Variants in DDX25 observed in about 807,000 individuals in gnomAD.
The protein encoded by DDX25 is ATP-dependent RNA helicase DDX25.
Under a neutral mutation model 64.6 loss-of-function variants are expected in DDX25, and 70 were observed. The ratio of observed to expected loss-of-function variants is 1.08; its 90% CI spans 0.89 to 1.32. The LOEUF is 1.32. Among genes scored for constraint, DDX25 ranks in the 40% most tolerant of loss-of-function variants. The pLI, the probability that DDX25 is intolerant of heterozygous loss-of-function variation, is 0.00. For synonymous variants in DDX25, 211 were observed against 213.3 expected (o/e 0.99, Z 0.09); for missense variants, 587 against 604.4 (o/e 0.97, Z 0.30).
chr11:125,922,760 G>A (rs1248128244), intron 11 of DDX25, 60 bp from the exon 12 acceptor site: 1 of 1,457,144 alleles, frequency 6.9e-7, no homozygotes, highest in African/African-American at 1.4e-5. Context: ...AATATGGATG[G>A]AATGAAGTTC....
intron 1 of DDX25, chr11:125,904,853 G>A (rs1364911958): frequency 1.1e-5 from 6 of 566,184 alleles, no homozygotes; most frequent in South Asian, 8.7e-5. Context: ...GCTAGACCCC[G>A]AGTTTTCTAC....
At chr11:125,905,688 GA>G in intron 3 of DDX25, 91 bp downstream of exon 3, 1 of 1,297,444 alleles carries the variant, frequency 7.7e-7, no homozygotes, top group Non-Finnish European at 1.1e-6. Flanking sequence ...ATCTCAATTG[GA>G]AAAGGCCTGT....
intron 11 of DDX25, 40 bp from the exon 12 acceptor site, chr11:125,922,780 C>A: frequency 1.9e-6 from 3 of 1,548,416 alleles, no homozygotes; most frequent in South Asian, 1.2e-5. Context: ...CCATTTAGAC[C>A]CTGACATGAG....
At position 125,926,963 on chromosome 11, in the gene DDX25, G is replaced by A. The variant is rs937348605; in HGVS notation, c.*4082G>A. 6 of 152,320 alleles carry A rather than the reference G, an allele frequency of 3.9e-5. No homozygotes were observed. Among genetic ancestry groups the A allele is most frequent in the African/African-American group, 1.4e-4 (6 of 41,428 alleles). The allele number at this position is 152,320 out of a possible 1,614,324, so 9.4% of individuals were successfully genotyped here. ...CCCCTGCCACCCTCCTGTGCTGCCTGGGTCCCTCAGAAGGATGGGTCTGGA... is the reference window on the plus strand; with the variant it reads ...CCCCTGCCACCCTCCTGTGCTGCCTAGGTCCCTCAGAAGGATGGGTCTGGA... On this transcript the variant is annotated 3_prime_UTR_variant, in exon 12 of 12. Coordinates refer to ENST00000263576, the MANE Select transcript of DDX25 (RefSeq NM_013264.5).
Position 125,911,190 on chromosome 11 carries a change from C to T in DDX25, c.623-121C>T, listed in dbSNP as rs373700511. 1.9e-5 allele frequency: 18 copies of T among 969,136 alleles called. No homozygotes were observed. The African/African-American group carries it at 2.9e-4, about 16-fold the overall frequency. 60.0% of individuals were successfully genotyped at this position (969,136 alleles called of 1,614,324 possible). ...AAACCACAATGACCCTCGGGGTTTC[C>T]ACTTGGAAAATTATTACAAACTGTA... On this transcript the variant is annotated intron_variant, in intron 7 of 11. Transcript: ENST00000263576.
intron 4 of DDX25, among the ~76,000 whole-genome samples, chr11:125,906,418 C>T (rs1009528420): frequency 5.9e-5 from 9 of 151,788 alleles, no homozygotes; most frequent in Admixed American, 2.0e-4. Context: ...CAGGTTCAAG[C>T]GATTCTCCTG....
intron 9 of DDX25, among the ~76,000 whole-genome samples, chr11:125,918,071 G>C (rs141859903): frequency 0.01 from 1,595 of 152,114 alleles, 28 homozygotes; most frequent in African/African-American, 0.036. Context: ...AGTAGAGACG[G>C]GGTTTCACCA....
chr11:125,904,974 A>T (rs1944862646), intron 1 of DDX25, among the ~76,000 whole-genome samples: 1 of 152,132 alleles, frequency 6.6e-6, no homozygotes, highest in Non-Finnish European at 1.5e-5. Flanking sequence ...GCCCAACTCT[A>T]AACTAGAGGC....
At chr11:125,906,294 TCTC>T in intron 4 of DDX25, 85 bp downstream of exon 4, 1 of 1,410,330 alleles carries the variant, frequency 7.1e-7, no homozygotes, top group Non-Finnish European at 9.3e-7. Context: ...ACCATCAGGA[TCTC>T]CTCTTTGTTT....
chr11:125,911,657 T>C (rs968076950), intron 8 of DDX25, among the ~76,000 whole-genome samples, 169 bp downstream of exon 8: 4 of 152,246 alleles, frequency 2.6e-5, no homozygotes, highest in Non-Finnish European at 4.4e-5. Context: ...CTCAGACTGC[T>C]ATAGTTTTCC....
intron 8 of DDX25, 100 bp downstream of exon 8, chr11:125,911,588 C>A: frequency 8.6e-7 from 1 of 1,166,622 alleles, no homozygotes; most frequent in Non-Finnish European, 1.2e-6. Context: ...AACTCCTCAC[C>A]ACCTTCACCT....
At chr11:125,918,997 G>A (rs1945077447) in intron 10 of DDX25, among the ~76,000 whole-genome samples, 1 of 151,934 alleles carries the variant, frequency 6.6e-6, no homozygotes, top group African/African-American at 2.4e-5. Flanking sequence ...GGCAACTACT[G>A]ATCAGATTTC....
rs1226699092 is a variant in DDX25 at position 125,917,219 on chromosome 11, A to G, written c.1006A>G (p.Ile336Val). 3.7e-6 allele frequency: 6 copies of G among 1,608,986 alleles called. No homozygotes were observed. The highest frequency in any genetic ancestry group is 5.1e-6 in the Non-Finnish European group (6 of 1,177,950). The change falls in exon 9 of 12, where the codon ATC becomes GTC. Residue 336 changes from isoleucine (I) to valine (V), a missense_variant. Ile to Val is a conservative substitution (Grantham distance 29, BLOSUM62 3). Transcript: ENST00000263576. The stretch of plus-strand genomic sequence containing the variant: ...AGCTCTGTGCAACATTTATGGCAGC[A>G]TCACCATTGGTCAGGCCATCATCTT... ...YQALCNIYGSITIGQAIIFCQ... is the reference protein window; with the variant it reads ...YQALCNIYGSVTIGQAIIFCQ...
rs2134289010 is a variant in DDX25, at chr11:125,925,377, A to G, written c.*2496A>G. The G allele has an allele frequency of 2.2e-6, 1 of 456,096 alleles. No individual in the cohort carries two copies. Among genetic ancestry groups the G allele is most frequent in the African/African-American group, 2.0e-5 (1 of 50,188 alleles). 28.3% of individuals were successfully genotyped at this position (456,096 alleles called of 1,614,324 possible). On this transcript the variant is annotated 3_prime_UTR_variant, in exon 12 of 12. Transcript: ENST00000263576. The stretch of plus-strand genomic sequence containing the variant: ...TGTCTCACCACCTAGGAGGCAGCAA[A>G]GCCATCCTGTGTCACAGCTGCATTA...
At chr11:125,904,499 G>A (rs1418784696), upstream of DDX25, 13 of 1,478,988 alleles carry the variant, frequency 8.8e-6, no homozygotes, top group Non-Finnish European at 1.1e-5. Flanking sequence ...TGCTGGGGGC[G>A]GGAGCAGCAA....
Position 125,918,655 on chromosome 11 carries a change from G to A in DDX25, c.1066G>A (p.Val356Met), listed in dbSNP as rs202206859. The change falls in exon 10 of 12, where the codon GTG becomes ATG. Residue 356 changes from valine to methionine, a missense_variant. Val to Met is a conservative substitution (Grantham distance 21). Transcript: ENST00000263576. ...QTRRNAKWLTVEMIQDGHQVS... is the reference protein window; with the variant it reads ...QTRRNAKWLTMEMIQDGHQVS... ...TCGTCGAAACGCTAAGTGGTTGACC[G>A]TGGAGATGATACAGGATGGCCACCA... The A allele has an allele frequency of 1.5e-4, 247 of 1,613,718 alleles. No individual in the cohort carries two copies. Among genetic ancestry groups the A allele is most frequent in the Middle Eastern group, 6.6e-4 (4 of 6,084 alleles).
chr11:125,904,645 CG>C, intron 1 of DDX25, 65 bp downstream of exon 1: 1 of 1,410,198 alleles, frequency 7.1e-7, no homozygotes. Flanking sequence ...AGAGGGAGAT[CG>C]GCTGGGAGGG....
Position 125,925,507 on chromosome 11 carries a change from T to C in DDX25, c.*2626T>C, listed in dbSNP as rs1945159105. ...AATTTTCCCGTCTTCCTGCATGGCC[T>C]GGCCAAGGTCATCTCTCTCAGTGCC... On this transcript the variant is annotated 3_prime_UTR_variant, in exon 12 of 12. Coordinates refer to ENST00000263576, the MANE Select transcript of DDX25 (RefSeq NM_013264.5). 1 of 455,888 alleles carries C rather than the reference T, an allele frequency of 2.2e-6. No individual in the cohort carries two copies. The highest frequency in any genetic ancestry group is 4.4e-6 in the Non-Finnish European group (1 of 226,756). 28.2% of individuals were successfully genotyped at this position (455,888 alleles called of 1,614,324 possible). A position where few individuals can be genotyped will look rare whatever the true frequency, so the allele number is the denominator to read the frequency against.
Position 125,918,775 on chromosome 11 carries a change from A to G in DDX25, c.1186A>G (p.Asn396Asp). 1 of 1,585,230 alleles carries G rather than the reference A, an allele frequency of 6.3e-7. No homozygotes were observed. The highest frequency in any genetic ancestry group is 8.6e-7 in the Non-Finnish European group (1 of 1,165,426). The change falls in exon 10 of 12, where the codon AAT (asparagine) becomes GAT (aspartate). Residue 396 changes from asparagine to aspartate, a missense_variant. Asn to Asp is a conservative substitution (Grantham distance 23). Transcript: ENST00000263576. ...DGKEKVLITT[N>D]VCARGIDVKQ... ...GAAAGAGAAGGTTCTCATAACAACT[A>G]ATGTTTGTGCCCGAGGTGTGTGTTA... is the stretch of plus-strand genomic sequence containing the variant.
Sources: gnomAD v4.1 joint callset for allele counts (sites outside exome capture counted in the v4.1 genomes callset) on GRCh38, gnomAD v4.1.1 for gene constraint, MANE v1.5 for transcripts, NCBI Gene and HGNC (gene_info 2026-07-23, HGNC 2026-07-21) for gene names.